Variants in ITGA9 observed in about 807,000 individuals in gnomAD.
ITGA9 encodes the protein integrin subunit alpha 9, also known as integrin alpha-9.
ITGA9 carries 56 observed loss-of-function variants against 127.8 expected under a neutral mutation model. That is an observed-to-expected ratio of 0.44 (90% CI 0.35 to 0.55). The LOEUF (loss-of-function observed/expected upper bound fraction) is 0.55, where lower values mean the gene tolerates loss of function less well. Among genes scored for constraint, ITGA9 ranks in the 20% least tolerant of loss-of-function variants. The pLI is 0.00. For missense variants in ITGA9, 1,196 were observed against 1,347.1 expected, an observed-to-expected ratio of 0.89 and a Z score of 1.76; for synonymous variants, 508 against 514.5, an observed-to-expected ratio of 0.99 and a Z score of 0.17.
intron 17 of ITGA9, among the ~76,000 whole-genome samples, chr3:37,678,560 AT>A (rs1168654822): frequency 1.3e-5 from 2 of 152,152 alleles, no homozygotes; most frequent in African/African-American, 2.4e-5. Flanking sequence ...TGTAATGAGA[AT>A]TTTTTTAATG....
chr3:37,683,880 C>A lies in ITGA9; in HGVS notation c.1932C>A (p.Thr644=), dbSNP rs1280886762. Reference sequence around the variant, plus strand: ...TTCGTTACAGTATGGATGAGAAAACCCTGTATCTAGCTTTGGGGGCTGTGA... The same window carrying A: ...TTCGTTACAGTATGGATGAGAAAACACTGTATCTAGCTTTGGGGGCTGTGA... ...KLLLSSMDEK[T]LYLALGAVKN... is the part of the protein sequence containing the mutation. The change falls in exon 18 of 28, where the codon ACC becomes ACA. Residue 644 remains threonine, a synonymous_variant. Coordinates refer to ENST00000264741, the MANE Select transcript of ITGA9 (RefSeq NM_002207.3). 6.2e-7 allele frequency: 1 copy of A among 1,614,032 alleles called. No individual in the cohort carries two copies. Among genetic ancestry groups the A allele is most frequent in the South Asian group, 1.1e-5 (1 of 91,056 alleles).
intron 18 of ITGA9, among the ~76,000 whole-genome samples, chr3:37,693,682 G>T (rs755756513): frequency 6.6e-6 from 1 of 152,150 alleles, no homozygotes; most frequent in South Asian, 2.1e-4. Flanking sequence ...TAGACAGAAG[G>T]TTCCATACAG....
intron 17 of ITGA9, among the ~76,000 whole-genome samples, chr3:37,654,302 T>C (rs536432242): frequency 6.6e-6 from 1 of 152,114 alleles, no homozygotes; most frequent in East Asian, 1.9e-4. Flanking sequence ...GCTGCCCTGA[T>C]CCAAGTGAGC....
chr3:37,511,377 T>C (rs1299196346), intron 8 of ITGA9, among the ~76,000 whole-genome samples: 1 of 152,214 alleles, frequency 6.6e-6, no homozygotes, highest in South Asian at 2.1e-4. Context: ...CATTGCCATA[T>C]TGAAGTTTTA....
chr3:37,625,317 C>T (rs1374187344), intron 15 of ITGA9, among the ~76,000 whole-genome samples: 2 of 152,214 alleles, frequency 1.3e-5, no homozygotes, highest in African/African-American at 4.8e-5. Flanking sequence ...GAAGGTCTTT[C>T]ATCTCTGTTT....
At chr3:37,478,268 A>C (rs1405776693) in intron 3 of ITGA9, among the ~76,000 whole-genome samples, 1 of 152,074 alleles carries the variant, frequency 6.6e-6, no homozygotes, top group African/African-American at 2.4e-5. Flanking sequence ...ATGCATGACA[A>C]AGGCTTTGGC....
At chr3:37,501,544 C>T (rs1035795043) in intron 5 of ITGA9, among the ~76,000 whole-genome samples, 2 of 152,090 alleles carry the variant, frequency 1.3e-5, no homozygotes, top group African/African-American at 4.8e-5. Context: ...GAGAACATTT[C>T]CATCACTTTG....
intron 17 of ITGA9, among the ~76,000 whole-genome samples, chr3:37,661,828 T>C (rs916690621): frequency 2.3e-4 from 35 of 152,156 alleles, no homozygotes; most frequent in Admixed American, 6.5e-4. Context: ...GGTGGGTTAC[T>C]CCAGGGCTCT....
chr3:37,473,836 T>C (rs557815799), intron 3 of ITGA9, among the ~76,000 whole-genome samples: 34 of 152,330 alleles, frequency 2.2e-4, no homozygotes, highest in Admixed American at 5.9e-4. Context: ...CACTGAGATA[T>C]AGAATATTTC....
intron 1 of ITGA9, among the ~76,000 whole-genome samples, chr3:37,462,104 C>G (rs1198836203): frequency 6.6e-6 from 1 of 152,210 alleles, no homozygotes; most frequent in South Asian, 2.1e-4. Context: ...TGTTCACTTG[C>G]TGCTTTCAGA....
chr3:37,758,280 G>T (rs929088216), intron 23 of ITGA9, among the ~76,000 whole-genome samples: 3 of 130,396 alleles, frequency 2.3e-5, no homozygotes, highest in Non-Finnish European at 3.1e-5. Flanking sequence ...CCGAGATTGC[G>T]CCACTGCAGT....
At chr3:37,774,939 AT>A (rs1696888770) in intron 23 of ITGA9, among the ~76,000 whole-genome samples, 1 of 152,198 alleles carries the variant, frequency 6.6e-6, no homozygotes, top group African/African-American at 2.4e-5. Context: ...AATTTAGCAA[AT>A]TTTGGTGGTC....
chr3:37,487,250 A>G (rs1698619273), intron 4 of ITGA9, among the ~76,000 whole-genome samples: 3 of 152,330 alleles, frequency 2.0e-5, no homozygotes, highest in African/African-American at 7.2e-5. Flanking sequence ...AAATAAATAG[A>G]GCAAATTAAA....
intron 27 of ITGA9, chr3:37,818,629 A>G (rs1019302872): frequency 5.9e-6 from 3 of 508,966 alleles, no homozygotes; most frequent in Non-Finnish European, 1.1e-5. Flanking sequence ...CCCAGCACAC[A>G]GTCTGGAAAA....
chr3:37,692,023 G>C (rs925366564), intron 18 of ITGA9, among the ~76,000 whole-genome samples: 1 of 152,186 alleles, frequency 6.6e-6, no homozygotes, highest in East Asian at 1.9e-4. Flanking sequence ...AGCAGATGCA[G>C]AGTTGAGATT....
intron 3 of ITGA9, among the ~76,000 whole-genome samples, chr3:37,477,607 C>T (rs1698506973): frequency 6.6e-6 from 1 of 152,166 alleles, no homozygotes; most frequent in Non-Finnish European, 1.5e-5. Context: ...CCTTCTCACT[C>T]TCTCATCCTG....
chr3:37,486,996 C>G (rs1046169529), intron 4 of ITGA9, among the ~76,000 whole-genome samples: 1 of 152,084 alleles, frequency 6.6e-6, no homozygotes, highest in Non-Finnish European at 1.5e-5. Context: ...ATTTTTTTCC[C>G]CTTTAATGTT....
At chr3:37,713,553 A>C (rs1396807777) in intron 18 of ITGA9, among the ~76,000 whole-genome samples, 3 of 152,128 alleles carry the variant, frequency 2.0e-5, no homozygotes, top group Non-Finnish European at 4.4e-5. Flanking sequence ...AATAAGCAGA[A>C]AGTCTGAGCG....
chr3:37,568,492 A>AT (rs1305782111), intron 15 of ITGA9, among the ~76,000 whole-genome samples: 3 of 152,152 alleles, frequency 2.0e-5, no homozygotes, highest in Non-Finnish European at 4.4e-5. Flanking sequence ...CAGAAAATGG[A>AT]TTTTTCTTTT....
Sources: allele counts gnomAD v4.1 joint callset (sites outside exome capture counted in the v4.1 genomes callset), GRCh38; gene constraint gnomAD v4.1.1; transcripts MANE v1.5; gene names NCBI Gene and HGNC (gene_info 2026-07-23, HGNC 2026-07-21).